The following SEZ6L2 variants were observed in gnomAD, a reference collection of about 807,000 sequenced individuals.
SEZ6L2 encodes the protein seizure related 6 homolog like 2.
SEZ6L2 carries 44 observed loss-of-function variants against 97.0 expected under a neutral mutation model. The observed-to-expected ratio is 0.45, with a 90% CI of 0.36 to 0.58. SEZ6L2 has a LOEUF of 0.58. Among genes scored for constraint, SEZ6L2 ranks in the 20% least tolerant of loss-of-function variants. The pLI is 0.00. For synonymous variants in SEZ6L2, 543 were observed against 546.1 expected, an observed-to-expected ratio of 0.99 and a Z score of 0.08; for missense variants, 1,086 against 1,233.3, an observed-to-expected ratio of 0.88 and a Z score of 1.79.
rs1596957136 is a variant in SEZ6L2, at chr16:29,873,617, G to A, written c.2217C>T (p.Leu739=). Residue 739 remains leucine, a synonymous_variant, in exon 13 of 18, where the codon CTC becomes CTT. Transcript: ENST00000617533. The surrounding 1 kb of genome is among the most constrained non-coding windows in gnomAD (Gnocchi z 4.3). ...VQYRCLPGYS[L]EGAAMLTCYS... ...AGCAGGTGAGCATGGCTGCCCCCTC[G>A]AGGCTGTACCCTGGCAGGCAGCGGT... The A allele has an allele frequency of 1.9e-6, 3 of 1,614,070 alleles. No homozygotes were observed. The highest frequency in any genetic ancestry group is 2.7e-5 in the African/African-American group (2 of 75,048).
rs1315381165 is a variant in SEZ6L2, at chr16:29,879,872, G to T, written c.1565C>A (p.Ala522Asp). The change falls in exon 9 of 18, where the codon GCC becomes GAC. Residue 522 changes from alanine to aspartate, a missense_variant. By Grantham distance (126) the Ala-to-Asp change is moderately radical (BLOSUM62 -2). Around this residue, in one of 2 missense-constraint regions of SEZ6L2, gnomAD observed 776 missense variants for 794.7 expected, o/e 0.98. Coordinates refer to ENST00000617533, the MANE Select transcript of SEZ6L2 (RefSeq NM_001243332.2). Reference sequence around the variant, plus strand: ...CGACAAGGAAGGCTCACCTTTGCAGGCCGGCTCTGTGTCGTTCCAGTGGGG... The same window carrying T: ...CGACAAGGAAGGCTCACCTTTGCAGTCCGGCTCTGTGTCGTTCCAGTGGGG... ...TEPHWNDTEP[A>D]CKAMCGGELS... 6.3e-7 allele frequency: 1 copy of T among 1,599,748 alleles called. No homozygotes were observed. The highest frequency in any genetic ancestry group is 1.7e-5 in the Admixed American group (1 of 58,834).
chr16:29,895,706 C>T lies in SEZ6L2; in HGVS notation c.651+15G>A, dbSNP rs71389435. Reference sequence around the variant, plus strand: ...GGCTTGGAAGCTGCACAGTCACATGCTTTGGTCCAGTTACCTGGATCTCAA... The same window carrying T: ...GGCTTGGAAGCTGCACAGTCACATGTTTTGGTCCAGTTACCTGGATCTCAA... On this transcript the variant is annotated intron_variant, in intron 4 of 17. Transcript: ENST00000617533. The T allele has an allele frequency of 0.036, 57,844 of 1,609,954 alleles. 1,271 individuals are homozygous for T. The highest frequency in any genetic ancestry group is 0.066 in the South Asian group (5,960 of 90,574).
chr16:29,888,597 G>C lies in SEZ6L2; in HGVS notation c.982C>G (p.Leu328Val). Residue 328 changes from leucine to valine, a missense_variant, in exon 6 of 18, where the codon CTC (leucine) becomes GTC (valine). By Grantham distance (32) the Leu-to-Val change is conservative. Coordinates refer to ENST00000617533, the MANE Select transcript of SEZ6L2 (RefSeq NM_001243332.2). ...GGCCGGGTGCCATTGAGGCAGATGA[G>C]GGTCTCCTCTCCCTGCAGCTGGTAG... ...SGYQLQGEETLICLNGTRPSW... is the reference protein window; with the variant it reads ...SGYQLQGEETVICLNGTRPSW... 6.2e-7 allele frequency: 1 copy of C among 1,614,090 alleles called. No individual in the cohort carries two copies. The highest frequency in any genetic ancestry group is 8.5e-7 in the Non-Finnish European group (1 of 1,180,004).
rs572414097 is a variant in SEZ6L2 at position 29,873,133 on chromosome 16, G to C, written c.2488+107C>G. On this transcript the variant is annotated intron_variant, in intron 14 of 17. Transcript: ENST00000617533. The surrounding 1 kb of genome is among the most constrained non-coding windows in gnomAD (Gnocchi z 4.3). ...ACACGAGGCCACAGGAGGAGAACCG[G>C]GAGCTCTGTGGGGTCGCCCATTGGT... 3 of 1,275,426 alleles carry C rather than the reference G, an allele frequency of 2.4e-6. No homozygotes were observed. The highest frequency in any genetic ancestry group is 3.3e-6 in the Non-Finnish European group (3 of 922,700). 79.0% of individuals were successfully genotyped at this position (1,275,426 alleles called of 1,614,324 possible).
At chr16:29,894,348 G>C (rs1201255215) in intron 5 of SEZ6L2, among the ~76,000 whole-genome samples, 3 of 152,090 alleles carry the variant, frequency 2.0e-5, no homozygotes, top group Non-Finnish European at 4.4e-5. Context: ...CACCTCATCT[G>C]GGGGTCACGT....
intron 12 of SEZ6L2, among the ~76,000 whole-genome samples, chr16:29,874,125 C>T (rs1164174076): frequency 6.6e-6 from 1 of 152,136 alleles, no homozygotes; most frequent in African/African-American, 2.4e-5. Flanking sequence ...AAATGCAGTG[C>T]ATCTATTTTC....
chr16:29,888,823 T>G (rs1243148562), intron 5 of SEZ6L2, 98 bp from the exon 6 acceptor site: 4 of 1,085,954 alleles, frequency 3.7e-6, no homozygotes, highest in Non-Finnish European at 3.9e-6. Flanking sequence ...CAGGCCAACC[T>G]TCCAGGGGCA....
intron 5 of SEZ6L2, among the ~76,000 whole-genome samples, chr16:29,889,405 C>T (rs1230628251): frequency 1.3e-5 from 2 of 151,834 alleles, no homozygotes; most frequent in African/African-American, 4.8e-5. Context: ...TCCCATTGCA[C>T]TCCAGCCTGG....
chr16:29,885,366 C>T (rs2068115158), intron 8 of SEZ6L2, among the ~76,000 whole-genome samples: 1 of 152,000 alleles, frequency 6.6e-6, no homozygotes, highest in Non-Finnish European at 1.5e-5. Context: ...GTACCTGGAT[C>T]CAGACATTCA....
chr16:29,882,940 T>C (rs2068059188), intron 8 of SEZ6L2, among the ~76,000 whole-genome samples: 1 of 152,156 alleles, frequency 6.6e-6, no homozygotes, highest in South Asian at 2.1e-4. Context: ...GGCCTACAAC[T>C]CTGGAGTCAG....
intron 8 of SEZ6L2, among the ~76,000 whole-genome samples, chr16:29,881,238 G>A (rs1399099181): frequency 2.0e-5 from 3 of 152,110 alleles, no homozygotes; most frequent in Non-Finnish European, 4.4e-5. Context: ...CAGAGCGGAG[G>A]TCCATAGACC....
intron 5 of SEZ6L2, among the ~76,000 whole-genome samples, chr16:29,889,024 T>C (rs181285955): frequency 1.1e-4 from 16 of 152,304 alleles, no homozygotes; most frequent in Middle Eastern, 6.8e-3. Flanking sequence ...TACTCATTTG[T>C]TGTGTGACTT....
At chr16:29,878,501 G>T in intron 9 of SEZ6L2, 76 bp from the exon 10 acceptor site, 6 of 1,342,632 alleles carry the variant, frequency 4.5e-6, no homozygotes, top group Non-Finnish European at 6.0e-6. Flanking sequence ...CTCACCACTC[G>T]TGATGCGTGC....
intron 8 of SEZ6L2, among the ~76,000 whole-genome samples, chr16:29,883,737 G>T: frequency 6.6e-6 from 1 of 152,068 alleles, no homozygotes; most frequent in Admixed American, 6.6e-5. Context: ...TTGGAGACCA[G>T]CCTGGGCAAC....
chr16:29,896,003 C>G (rs1247926630), intron 3 of SEZ6L2, 143 bp from the exon 4 acceptor site: 1 of 893,496 alleles, frequency 1.1e-6, no homozygotes, highest in East Asian at 2.8e-5. Context: ...CGCTCTGTCA[C>G]CCAGGCTGGA....
rs199548721 is a variant in SEZ6L2 at position 29,872,231 on chromosome 16, T to A, written c.2698A>T (p.Ile900Phe). 6.2e-7 allele frequency: 1 copy of A among 1,612,426 alleles called. No individual in the cohort carries two copies. Among genetic ancestry groups the A allele is most frequent in the Non-Finnish European group, 8.5e-7 (1 of 1,179,320 alleles). Residue 900 changes from isoleucine to phenylalanine, a missense_variant, in exon 17 of 18, where the codon ATC becomes TTC. By Grantham distance (21) the Ile-to-Phe change is conservative. This residue lies in a region of SEZ6L2 where 310 missense variants were observed against 438.6 expected (regional missense o/e 0.71). Transcript: ENST00000617533. ...TTGCTGAAGTCCGACTCCACGGTGA[T>A]GGGGCTGTAGGAGTGGGAGCCCGAG... ...GFSGSHSYSPITVESDFSNPL... is the reference protein window; with the variant it reads ...GFSGSHSYSPFTVESDFSNPL...
intron 5 of SEZ6L2, among the ~76,000 whole-genome samples, chr16:29,892,778 T>C (rs2068297323): frequency 6.6e-6 from 1 of 152,188 alleles, no homozygotes; most frequent in African/African-American, 2.4e-5. Flanking sequence ...CCATGAAGCA[T>C]AGGAAGACAG....
chr16:29,898,452 C>A (rs1225139599), intron 1 of SEZ6L2, among the ~76,000 whole-genome samples: 1 of 150,662 alleles, frequency 6.6e-6, no homozygotes, highest in African/African-American at 2.5e-5. Context: ...TCTCTCCCCC[C>A]CACCCTCTCT....
chr16:29,879,957 C>T lies in SEZ6L2; in HGVS notation c.1480G>A (p.Gly494Arg). Residue 494 changes from glycine (G) to arginine (R), a missense_variant, in exon 9 of 18, where the codon GGA becomes AGA. Gly to Arg is a moderately radical substitution (Grantham distance 125). Around this residue, in one of 2 missense-constraint regions of SEZ6L2, gnomAD observed 776 missense variants for 794.7 expected, o/e 0.98. Coordinates refer to ENST00000617533, the MANE Select transcript of SEZ6L2 (RefSeq NM_001243332.2). ...GGCCCAGGGGGCTCCAGGGCATATC[C>T]TGGGAGGCACGAGAAGGTTGCCAGT... Reference protein sequence around the residue: ...GALATFSCLPGYALEPPGPPN... With the variant: ...GALATFSCLPRYALEPPGPPN... 6.2e-7 allele frequency: 1 copy of T among 1,614,190 alleles called. No individual in the cohort carries two copies. Among genetic ancestry groups the T allele is most frequent in the Non-Finnish European group, 8.5e-7 (1 of 1,180,042 alleles).
Sources: allele counts gnomAD v4.1 joint callset (sites outside exome capture counted in the v4.1 genomes callset), GRCh38; gene constraint gnomAD v4.1.1; regional missense constraint gnomAD v4.1.1; non-coding constraint Gnocchi (gnomAD v3.1); transcripts MANE v1.5; gene names NCBI Gene and HGNC (gene_info 2026-07-23, HGNC 2026-07-21).